FGF1: variants seen among roughly 807,000 people sequenced by gnomAD.
FGF1 encodes beta-endothelial cell growth factor.
Under a neutral mutation model 13.4 loss-of-function variants are expected in FGF1, and 9 were observed. The observed-to-expected ratio is 0.67, with a 90% confidence interval of 0.40 to 1.17. The LOEUF (loss-of-function observed/expected upper bound fraction) is 1.17. Among genes scored for constraint, FGF1 ranks in the 50% most tolerant of loss-of-function variants. The pLI is 0.01. For missense variants in FGF1, 156 were observed against 192.7 expected, an observed-to-expected ratio of 0.81 and a Z score of 1.13; for synonymous variants, 93 against 79.0, an observed-to-expected ratio of 1.18 and a Z score of -0.94.
rs371601270 is a variant in FGF1 at position 142,661,736 on chromosome 5, G to A, written c.-35+24221C>T. Among the ~76,000 whole-genome samples, 133 of 152,276 alleles carry A rather than the reference G, an allele frequency of 8.7e-4. 1 individual carries two copies. The highest frequency in any genetic ancestry group is 2.7e-3 in the African/African-American group (112 of 41,536). ...ACAAAAGACCACATATTGGCCGGGC[G>A]CGGTGGCTCACTATCCCAGCACTTT... On this transcript the variant is annotated intron_variant, in intron 1 of 3. Transcript: ENST00000337706.
At position 142,618,921 on chromosome 5, in the gene FGF1, GTTGTTTTGTTT is replaced by G. The variant is rs1341282715; in HGVS notation, c.-34-4771_-34-4761del. Among the ~76,000 whole-genome samples, 57 of 108,372 alleles carry G rather than the reference GTTGTTTTGTTT, an allele frequency of 5.3e-4. 3 individuals carry two copies. Among genetic ancestry groups the G allele is most frequent in the African/African-American group, 1.4e-3 (43 of 30,676 alleles). The allele number at this position is 108,372 out of a possible 152,430, so 71.1% of individuals were successfully genotyped here. On this transcript the variant is annotated intron_variant, in intron 1 of 3. Transcript: ENST00000337706. ...GGCAAACACTGACATTTATTTTTTA[GTTGTTTTGTTT>G]TTTTTTTTTTTTTTTTTTTTGAGAC...
chr5:142,683,752 C>T lies in FGF1; in HGVS notation c.-35+2205G>A, dbSNP rs181697492. Among the ~76,000 whole-genome samples, 252 of 132,664 alleles carry T rather than the reference C, an allele frequency of 1.9e-3. 1 individual carries two copies. Among genetic ancestry groups the T allele is most frequent in the Middle Eastern group, 0.017 (4 of 234 alleles). The allele number at this position is 132,664 out of a possible 152,430, so 87.0% of individuals were successfully genotyped here. A position where few individuals can be genotyped will look rare whatever the true frequency, so the allele number is the denominator to read the frequency against. On this transcript the variant is annotated intron_variant, in intron 1 of 3. Coordinates refer to ENST00000337706, the MANE Select transcript of FGF1 (RefSeq NM_000800.5). ...AGGAGAATTGCTTGAACCCGGGAGG[C>T]GGAGGTTGCAGTGAGCCGAGATTGT...
upstream of FGF1, among the ~76,000 whole-genome samples, chr5:142,687,620 T>A (rs17216720): frequency 5.6e-3 from 851 of 152,330 alleles, 6 homozygotes; most frequent in African/African-American, 0.02. Flanking sequence ...AGAAAATATT[T>A]TGGACAATGG....
chr5:142,671,399 C>A (rs17216839), intron 1 of FGF1, among the ~76,000 whole-genome samples: 82 of 152,314 alleles, frequency 5.4e-4, no homozygotes, highest in Non-Finnish European at 8.8e-4. Flanking sequence ...TGCTTTATTT[C>A]TTTTTCTTTT....
At chr5:142,687,778 C>A (rs1056252904), upstream of FGF1, among the ~76,000 whole-genome samples, 3 of 152,152 alleles carry the variant, frequency 2.0e-5, no homozygotes, top group African/African-American at 4.8e-5. Flanking sequence ...TCAGGTGGTA[C>A]CCTTAGTTAA....
chr5:142,639,820 A>G (rs1195725638), intron 1 of FGF1, among the ~76,000 whole-genome samples: 5 of 152,032 alleles, frequency 3.3e-5, no homozygotes, highest in African/African-American at 1.2e-4. Context: ...AGATCAAAAC[A>G]TCACATCATA....
At chr5:142,613,793 C>T (rs1759596516) in intron 2 of FGF1, among the ~76,000 whole-genome samples, 166 bp downstream of exon 2, 1 of 152,210 alleles carries the variant, frequency 6.6e-6, no homozygotes, top group Admixed American at 6.5e-5. Flanking sequence ...TCCCTATTTT[C>T]TAAACCCAGA....
chr5:142,598,854 G>A (rs1755849757), intron 3 of FGF1, among the ~76,000 whole-genome samples: 1 of 152,182 alleles, frequency 6.6e-6, no homozygotes, highest in South Asian at 2.1e-4. Context: ...TAGATTCTGG[G>A]AGTTCTCCCT....
chr5:142,622,505 C>G (rs774459719), intron 1 of FGF1, among the ~76,000 whole-genome samples: 4 of 152,140 alleles, frequency 2.6e-5, no homozygotes, highest in African/African-American at 9.7e-5. Flanking sequence ...AGGCTCAAAC[C>G]CTGTCCTCAT....
chr5:142,661,930 G>A (rs550257568), intron 1 of FGF1, among the ~76,000 whole-genome samples: 5 of 152,146 alleles, frequency 3.3e-5, no homozygotes, highest in South Asian at 2.1e-4. Flanking sequence ...GTGAACCTAG[G>A]GGGTGGAGGT....
chr5:142,673,761 A>G (rs1771934328), intron 1 of FGF1, among the ~76,000 whole-genome samples: 1 of 152,098 alleles, frequency 6.6e-6, no homozygotes. Flanking sequence ...TTCTCCACTC[A>G]GGGGTCCACC....
chr5:142,599,201 G>A (rs139195324), intron 3 of FGF1, among the ~76,000 whole-genome samples: 2 of 152,318 alleles, frequency 1.3e-5, no homozygotes, highest in Non-Finnish European at 2.9e-5. Context: ...GCGATTGACT[G>A]ATGGATTGAT....
rs942064377 is a variant in FGF1 at position 142,595,559 on chromosome 5, T to C, written c.274-75A>G. On this transcript the variant is annotated intron_variant, in intron 3 of 3. Transcript: ENST00000337706. Reference sequence around the variant, plus strand: ...CATGGGGGTCCCCATTTACTAGCTGTGTGACATTGGGCAAAATACTAAAGC... The same window carrying C: ...CATGGGGGTCCCCATTTACTAGCTGCGTGACATTGGGCAAAATACTAAAGC... 135 of 1,311,232 alleles carry C rather than the reference T, an allele frequency of 1.0e-4. 1 individual carries two copies. The highest frequency in any genetic ancestry group is 1.3e-4 in the Non-Finnish European group (121 of 938,450). 81.2% of individuals were successfully genotyped at this position (1,311,232 alleles called of 1,614,324 possible). A position where few individuals can be genotyped will look rare whatever the true frequency, so the allele number is the denominator to read the frequency against.
At chr5:142,658,732 G>A (rs924652118) in intron 1 of FGF1, among the ~76,000 whole-genome samples, 2 of 152,332 alleles carry the variant, frequency 1.3e-5, no homozygotes, top group Non-Finnish European at 2.9e-5. Context: ...AGACCGACTA[G>A]CAAGACTCCT....
intron 1 of FGF1, among the ~76,000 whole-genome samples, chr5:142,662,042 C>T (rs62382157): frequency 6.6e-6 from 1 of 151,990 alleles, no homozygotes; most frequent in Non-Finnish European, 1.5e-5. Flanking sequence ...AAAAAAAACC[C>T]ACATATTGTA....
At chr5:142,622,169 C>T (rs542948799) in intron 1 of FGF1, among the ~76,000 whole-genome samples, 1 of 152,358 alleles carries the variant, frequency 6.6e-6, no homozygotes, top group Non-Finnish European at 1.5e-5. Context: ...ATTTGATAAA[C>T]ATCTGTTGAA....
chr5:142,674,835 T>C (rs1772201448), intron 1 of FGF1, among the ~76,000 whole-genome samples: 1 of 152,116 alleles, frequency 6.6e-6, no homozygotes, highest in African/African-American at 2.4e-5. Context: ...AACAAGGGAC[T>C]CCACACCCCT....
intron 3 of FGF1, among the ~76,000 whole-genome samples, chr5:142,597,387 A>T (rs1755516532): frequency 6.6e-6 from 1 of 152,216 alleles, no homozygotes; most frequent in South Asian, 2.1e-4. Context: ...TGGGTAAAAG[A>T]ATATCCGTAC....
At chr5:142,666,355 A>C (rs1345417743) in intron 1 of FGF1, among the ~76,000 whole-genome samples, 1 of 151,092 alleles carries the variant, frequency 6.6e-6, no homozygotes, top group Admixed American at 6.6e-5. Context: ...CTGCTCCTTT[A>C]AATTTCTTAA....
Sources: gnomAD v4.1 joint callset for allele counts (sites outside exome capture counted in the v4.1 genomes callset) on GRCh38, gnomAD v4.1.1 for gene constraint, MANE v1.5 for transcripts, NCBI Gene and HGNC (gene_info 2026-07-23, HGNC 2026-07-21) for gene names.